The following CHMP4B variants were observed in gnomAD, a reference collection of about 807,000 sequenced individuals.
CHMP4B encodes SNF7 homolog associated with Alix 1.
A neutral mutation model predicts 25.1 loss-of-function variants in CHMP4B; 1 was observed. The observed-to-expected ratio is 0.04, with a 90% CI of 0.01 to 0.19. CHMP4B has a LOEUF of 0.19. Ranked by LOEUF, CHMP4B falls within the 10% of genes least tolerant of loss-of-function variation. CHMP4B has a pLI of 1.00. For missense variants in CHMP4B, 151 were observed against 289.7 expected, an observed-to-expected ratio of 0.52 and a Z score of 3.48; for synonymous variants, 101 against 115.6, an observed-to-expected ratio of 0.87 and a Z score of 0.81.
At chr20:33,822,792 C>T (rs553293668) in intron 1 of CHMP4B, among the ~76,000 whole-genome samples, 163 of 152,152 alleles carry the variant, frequency 1.1e-3, no homozygotes, top group Non-Finnish European at 2.1e-3. Context: ...TTCTTTCTTT[C>T]TTTCTTTTTT....
At chr20:33,837,440 GA>G (rs202057960) in intron 1 of CHMP4B, among the ~76,000 whole-genome samples, 272 of 146,696 alleles carry the variant, frequency 1.9e-3, no homozygotes, top group Middle Eastern at 7.1e-3. Context: ...AAGGATCTAG[GA>G]AAAAAAAAAA....
At position 33,826,975 on chromosome 20, in the gene CHMP4B, CT is replaced by C. The variant is rs1235222577; in HGVS notation, c.190+15322del. 3.9e-5 allele frequency among the ~76,000 whole-genome samples: 6 copies of C among 152,246 alleles called. No individual in the cohort carries two copies. In the East Asian group the frequency reaches 9.6e-4, roughly 24 times the overall value. ...TTGGTTTAAGAGAAAGCTAGTTATT[CT>C]TTTTGGTTGATGACAGTGACCTGTA... On this transcript the variant is annotated intron_variant, in intron 1 of 4. Coordinates refer to ENST00000217402, the MANE Select transcript of CHMP4B (RefSeq NM_176812.5).
rs943377593 is a variant in CHMP4B at position 33,853,893 on chromosome 20, G to A, written c.*333G>A. ...AATCCTCAATGGAAAGGGTCGACTG[G>A]TTGCAGTTGAAATGACCTGAAATGT... On this transcript the variant is annotated 3_prime_UTR_variant, in exon 5 of 5. Transcript: ENST00000217402. 1.2e-5 allele frequency: 5 copies of A among 416,816 alleles called. No homozygotes were observed. The highest frequency in any genetic ancestry group is 1.0e-4 in the African/African-American group (5 of 49,578). 25.8% of individuals were successfully genotyped at this position (416,816 alleles called of 1,614,324 possible). A position where few individuals can be genotyped will look rare whatever the true frequency, so the allele number is the denominator to read the frequency against.
At chr20:33,852,889 C>T (rs1979895851) in intron 4 of CHMP4B, among the ~76,000 whole-genome samples, 1 of 152,184 alleles carries the variant, frequency 6.6e-6, no homozygotes, top group Admixed American at 6.5e-5. Flanking sequence ...CCCCCATCCC[C>T]TCGCACAATA....
At chr20:33,824,163 A>G (rs1186421763) in intron 1 of CHMP4B, among the ~76,000 whole-genome samples, 1 of 152,232 alleles carries the variant, frequency 6.6e-6, no homozygotes, top group African/African-American at 2.4e-5. Context: ...AAACTCAGAG[A>G]AGCCTTATGT....
At chr20:33,850,492 G>A (rs955687405) in intron 2 of CHMP4B, among the ~76,000 whole-genome samples, 4 of 152,296 alleles carry the variant, frequency 2.6e-5, no homozygotes, top group African/African-American at 7.2e-5. Flanking sequence ...GCATATTTGC[G>A]GAATTTGCCT....
intron 1 of CHMP4B, among the ~76,000 whole-genome samples, chr20:33,821,833 C>G (rs977646482): frequency 6.6e-6 from 1 of 151,906 alleles, no homozygotes. Context: ...TTCTTTCTTT[C>G]TTTCTTTGTC....
chr20:33,828,747 T>C (rs970028968), intron 1 of CHMP4B, among the ~76,000 whole-genome samples: 1 of 152,116 alleles, frequency 6.6e-6, no homozygotes, highest in Non-Finnish European at 1.5e-5. Flanking sequence ...TAGTAATTTT[T>C]GGTGCTTCTT....
chr20:33,813,536 G>C (rs1197423553), intron 1 of CHMP4B, among the ~76,000 whole-genome samples: 3 of 152,072 alleles, frequency 2.0e-5, no homozygotes, highest in Admixed American at 6.5e-5. Context: ...ATGGGAACAG[G>C]GTTATATTTT....
In CHMP4B at chr20:33,854,142, GTCT is replaced by G. The variant is rs1409782186; in HGVS notation, c.*586_*588del. On this transcript the variant is annotated 3_prime_UTR_variant, in exon 5 of 5. Coordinates refer to ENST00000217402, the MANE Select transcript of CHMP4B (RefSeq NM_176812.5). ...CACTCCTCACCCCCTTGCTCCCCTG[GTCT>G]TCTGGAGTTTGTGACATTGATTTGA... 1 of 156,800 alleles carries G rather than the reference GTCT, an allele frequency of 6.4e-6. No homozygotes were observed. The highest frequency in any genetic ancestry group is 1.9e-4 in the East Asian group (1 of 5,316). 9.7% of individuals were successfully genotyped at this position (156,800 alleles called of 1,614,324 possible). A position where few individuals can be genotyped will look rare whatever the true frequency, so the allele number is the denominator to read the frequency against.
At chr20:33,824,170 A>C (rs992235602) in intron 1 of CHMP4B, among the ~76,000 whole-genome samples, 2 of 152,232 alleles carry the variant, frequency 1.3e-5, no homozygotes, top group East Asian at 3.8e-4. Flanking sequence ...GAGAAGCCTT[A>C]TGTAGGGCAG....
intron 1 of CHMP4B, among the ~76,000 whole-genome samples, chr20:33,840,118 C>T (rs561652239): frequency 1.3e-5 from 2 of 152,174 alleles, no homozygotes; most frequent in South Asian, 2.1e-4. Flanking sequence ...TGGTGGCAGG[C>T]GCCTGTAATC....
At chr20:33,850,739 T>G (rs1446956394) in intron 2 of CHMP4B, among the ~76,000 whole-genome samples, 1 of 152,218 alleles carries the variant, frequency 6.6e-6, no homozygotes, top group Non-Finnish European at 1.5e-5. Context: ...CTGGGTAGTG[T>G]CTTAAAGACA....
At chr20:33,817,463 T>C (rs1181336787) in intron 1 of CHMP4B, among the ~76,000 whole-genome samples, 1 of 152,232 alleles carries the variant, frequency 6.6e-6, no homozygotes, top group Non-Finnish European at 1.5e-5. Context: ...CGTGAAGACC[T>C]GTGAGCAGGA....
At chr20:33,842,081 A>G (rs1399925830) in intron 1 of CHMP4B, among the ~76,000 whole-genome samples, 8 of 152,028 alleles carry the variant, frequency 5.3e-5, no homozygotes, top group Non-Finnish European at 1.5e-5. Context: ...GGTCTTCGTT[A>G]TCTCCAAGAG....
At chr20:33,828,970 AGAATC>A (rs1979169605) in intron 1 of CHMP4B, among the ~76,000 whole-genome samples, 1 of 152,178 alleles carries the variant, frequency 6.6e-6, no homozygotes, top group Non-Finnish European at 1.5e-5. Context: ...GGCCCCTTTT[AGAATC>A]TCAGAGGCCA....
At position 33,826,712 on chromosome 20, in the gene CHMP4B, C is replaced by G. The variant is rs539217181; in HGVS notation, c.190+15054C>G. ...ATTCCCCTTCTGCTTTATTTGAAGTCCAGCCATTCTGGGCAGCTTGGTAGA... is the reference window on the plus strand; with the variant it reads ...ATTCCCCTTCTGCTTTATTTGAAGTGCAGCCATTCTGGGCAGCTTGGTAGA... On this transcript the variant is annotated intron_variant, in intron 1 of 4. Coordinates refer to ENST00000217402, the MANE Select transcript of CHMP4B (RefSeq NM_176812.5). 1.1e-3 allele frequency among the ~76,000 whole-genome samples: 170 copies of G among 152,254 alleles called. 1 individual carries two copies. Among genetic ancestry groups the G allele is most frequent in the African/African-American group, 3.9e-3 (160 of 41,528 alleles).
intron 1 of CHMP4B, among the ~76,000 whole-genome samples, chr20:33,825,131 C>G (rs1227985883): frequency 2.6e-5 from 4 of 152,136 alleles, no homozygotes; most frequent in Non-Finnish European, 5.9e-5. Context: ...TCTGATCAAC[C>G]CATAGTCCCT....
At chr20:33,841,663 A>G (rs1979545100) in intron 1 of CHMP4B, among the ~76,000 whole-genome samples, 1 of 152,190 alleles carries the variant, frequency 6.6e-6, no homozygotes, top group Admixed American at 6.6e-5. Flanking sequence ...CAGGTGTATC[A>G]ACAGCACTCA....
Sources: allele counts gnomAD v4.1 joint callset (sites outside exome capture counted in the v4.1 genomes callset), GRCh38; gene constraint gnomAD v4.1.1; transcripts MANE v1.5; gene names NCBI Gene and HGNC (gene_info 2026-07-23, HGNC 2026-07-21).